Variants in ANO4 observed in about 807,000 individuals in gnomAD.
The protein encoded by ANO4 is anoctamin 4.
ANO4 carries 69 observed loss-of-function variants against 141.9 expected under a neutral mutation model. The ratio of observed to expected loss-of-function variants is 0.49; its 90% CI spans 0.40 to 0.59. The LOEUF (loss-of-function observed/expected upper bound fraction) is 0.59, where lower values mean the gene tolerates loss of function less well. Ranked by LOEUF, ANO4 falls within the 20% of genes least tolerant of loss-of-function variation. The pLI, the probability that ANO4 is intolerant of heterozygous loss-of-function variation, is 0.00. For synonymous variants in ANO4, 350 were observed against 394.3 expected (o/e 0.89, Z 1.33); for missense variants, 894 against 1,162.2 (o/e 0.77, Z 3.36).
At position 100,764,339 on chromosome 12, in the gene ANO4, CAAG is replaced by C. The variant is rs573042844; in HGVS notation, c.358+24238_358+24240del. 3.0e-3 allele frequency among the ~76,000 whole-genome samples: 454 copies of C among 152,316 alleles called. 4 individuals carry two copies. Among genetic ancestry groups the C allele is most frequent in the African/African-American group, 9.9e-3 (410 of 41,570 alleles). On this transcript the variant is annotated intron_variant, in intron 3 of 29. Coordinates refer to the ANO4 transcript ENST00000644049. ...CAGCTCAAGATCCTGACTCCCTCCA[CAAG>C]AAGTTTACTTTGCTCTGCCGTCAGG... is the stretch of plus-strand genomic sequence containing the variant.
At chr12:100,766,516 G>A (rs916234547) in intron 3 of ANO4, among the ~76,000 whole-genome samples, 1 of 152,020 alleles carries the variant, frequency 6.6e-6, no homozygotes. Context: ...TTTCAGGAGT[G>A]TGTTGTTTAC....
In ANO4 at chr12:100,750,573, G is replaced by A. The variant is rs186527535; in HGVS notation, c.358+10468G>A. ...AATTTGTGGTCACTAACAGGCAGAT[G>A]CTTTGAAGGATAGGAATAATCCTCT... On this transcript the variant is annotated intron_variant, in intron 3 of 29. Transcript: ENST00000644049. 1.3e-3 allele frequency among the ~76,000 whole-genome samples: 196 copies of A among 152,226 alleles called. 2 individuals carry two copies. Among genetic ancestry groups the A allele is most frequent in the African/African-American group, 4.6e-3 (192 of 41,530 alleles).
At chr12:100,792,166 G>A (rs113519135), upstream of ANO4, among the ~76,000 whole-genome samples, 655 of 151,904 alleles carry the variant, frequency 4.3e-3, 6 homozygotes, top group Middle Eastern at 0.01. Context: ...TGTCTACCCT[G>A]GTGTTGAAAG....
intron 1 of ANO4, among the ~76,000 whole-genome samples, chr12:100,857,650 C>G (rs564601424): frequency 1.6e-4 from 24 of 152,236 alleles, no homozygotes; most frequent in African/African-American, 5.8e-4. Flanking sequence ...AGCTGTCAAA[C>G]AATGACATCA....
chr12:100,739,593 C>A (rs1008249511), intron 2 of ANO4, among the ~76,000 whole-genome samples: 1 of 152,194 alleles, frequency 6.6e-6, no homozygotes, highest in East Asian at 1.9e-4. Flanking sequence ...ATTATGAACA[C>A]AGGTCTTATT....
Position 101,020,028 on chromosome 12 carries a change from A to G in ANO4, c.735-6A>G, listed in dbSNP as rs969364895. On this transcript the variant is annotated splice_region_variant and splice_polypyrimidine_tract_variant and intron_variant, in intron 8 of 27. Coordinates refer to ENST00000392977, the MANE Select transcript of ANO4 (RefSeq NM_001286615.2). ...CTCAACTTGTATTTTTAATATATGT[A>G]TGCAGCTTCATCATACACAACAAAG... The G allele has an allele frequency of 1.4e-5, 23 of 1,599,466 alleles. No individual in the cohort carries two copies. Among genetic ancestry groups the G allele is most frequent in the Admixed American group, 3.4e-5 (2 of 59,588 alleles).
At chr12:101,086,514 G>A in intron 16 of ANO4, 146 bp from the exon 17 acceptor site, 1 of 812,164 alleles carries the variant, frequency 1.2e-6, no homozygotes. Flanking sequence ...TAACCACAAT[G>A]AAAAGTATGC....
chr12:101,083,580 G>T (rs2049367662), intron 15 of ANO4, 98 bp from the exon 16 acceptor site: 2 of 1,417,016 alleles, frequency 1.4e-6, no homozygotes, highest in South Asian at 2.7e-5. Context: ...TAGTGTGGCA[G>T]CTGTTGACTC....
chr12:100,837,161 T>C (rs2036970096), intron 1 of ANO4, among the ~76,000 whole-genome samples: 1 of 152,180 alleles, frequency 6.6e-6, no homozygotes, highest in Non-Finnish European at 1.5e-5. Flanking sequence ...CTTTTATTGT[T>C]AATAAAAATG....
At chr12:100,769,794 C>T (rs1302035544) in intron 3 of ANO4, among the ~76,000 whole-genome samples, 1 of 152,086 alleles carries the variant, frequency 6.6e-6, no homozygotes, top group African/African-American at 2.4e-5. Flanking sequence ...AAAACACTTG[C>T]CACAAGCCGT....
chr12:101,072,741 C>A (rs2048865934), intron 14 of ANO4, among the ~76,000 whole-genome samples: 1 of 150,618 alleles, frequency 6.6e-6, no homozygotes. Context: ...AACAAACTTA[C>A]AAGGGAAAAA....
At chr12:100,765,043 C>T (rs961126585) in intron 3 of ANO4, among the ~76,000 whole-genome samples, 19 of 152,222 alleles carry the variant, frequency 1.2e-4, no homozygotes, top group Middle Eastern at 3.4e-3. Context: ...TGGTTTTAAT[C>T]CTTTAAATGT....
In ANO4 at chr12:101,096,429, C is replaced by T. The variant is rs925473776; in HGVS notation, c.1739-107C>T. On this transcript the variant is annotated intron_variant, in intron 18 of 27. Transcript: ENST00000392977. Reference sequence around the variant, plus strand: ...GGTAAACTGGAGTCTCCTGCAGCCTCCTCAGGACTCCTGCGTCCCCACCCT... The same window carrying T: ...GGTAAACTGGAGTCTCCTGCAGCCTTCTCAGGACTCCTGCGTCCCCACCCT... 5.5e-5 allele frequency: 46 copies of T among 832,252 alleles called. No homozygotes were observed. In the Admixed American group the frequency reaches 8.7e-4, roughly 16 times the overall value. The allele number at this position is 832,252 out of a possible 1,614,324, so 51.6% of individuals were successfully genotyped here. A position where few individuals can be genotyped will look rare whatever the true frequency, so the allele number is the denominator to read the frequency against.
In ANO4 at chr12:100,996,745, A is replaced by T. The variant is rs114601147; in HGVS notation, c.734+9075A>T. ...TGTTGCTGGAGGGACAGTGAGTGGG[A>T]GATTCTCTGAGATTCTCTGTAACAT... is the stretch of plus-strand genomic sequence containing the variant. On this transcript the variant is annotated intron_variant, in intron 8 of 27. Coordinates refer to ENST00000392977, the MANE Select transcript of ANO4 (RefSeq NM_001286615.2). Among the ~76,000 whole-genome samples the T allele has an allele frequency of 8.5e-3, 1,290 of 152,264 alleles. 15 individuals carry two copies. Among genetic ancestry groups the T allele is most frequent in the African/African-American group, 0.029 (1,224 of 41,546 alleles).
At chr12:100,852,697 A>G (rs2037941615) in intron 1 of ANO4, among the ~76,000 whole-genome samples, 1 of 152,178 alleles carries the variant, frequency 6.6e-6, no homozygotes, top group Admixed American at 6.5e-5. Flanking sequence ...CCTTCTTACT[A>G]AGGAAGATGG....
chr12:100,825,175 T>C (rs974375152), intron 1 of ANO4, among the ~76,000 whole-genome samples: 2 of 152,074 alleles, frequency 1.3e-5, no homozygotes, highest in African/African-American at 4.8e-5. Context: ...ACTTAAGGAA[T>C]CTGATAGTAG....
chr12:101,104,627 G>GTGTGTGTA (rs1297866922), intron 22 of ANO4, among the ~76,000 whole-genome samples: 1 of 62,056 alleles, frequency 1.6e-5, no homozygotes, highest in African/African-American at 7.8e-5. Context: ...ATGTATGTGT[G>GTGTGTGTA]TATATATATA....
intron 3 of ANO4, among the ~76,000 whole-genome samples, chr12:100,751,701 G>A (rs1340356295): frequency 6.6e-6 from 1 of 152,022 alleles, no homozygotes; most frequent in Non-Finnish European, 1.5e-5. Context: ...AGTGACCCAA[G>A]CAGACAAGGC....
At chr12:100,981,727 T>G (rs2044472278) in intron 7 of ANO4, among the ~76,000 whole-genome samples, 1 of 152,188 alleles carries the variant, frequency 6.6e-6, no homozygotes. Context: ...GAAATGACCT[T>G]TCTTCTACTT....
Sources: gnomAD v4.1 joint callset for allele counts (sites outside exome capture counted in the v4.1 genomes callset) on GRCh38, gnomAD v4.1.1 for gene constraint, MANE v1.5 for transcripts, NCBI Gene and HGNC (gene_info 2026-07-23, HGNC 2026-07-21) for gene names.